Variants in TCEA3 observed in about 807,000 individuals in gnomAD.
TCEA3 encodes transcription elongation factor A protein 3.
A neutral mutation model predicts 44.0 loss-of-function variants in TCEA3; 36 were observed. The observed-to-expected ratio is 0.82, with a 90% CI of 0.63 to 1.08. The LOEUF (loss-of-function observed/expected upper bound fraction) is 1.08. Among genes scored for constraint, TCEA3 ranks in the 50% least tolerant of loss-of-function variants. The pLI is 0.00. For synonymous variants in TCEA3, 162 were observed against 159.7 expected, an observed-to-expected ratio of 1.01 and a Z score of -0.11; for missense variants, 392 against 441.2, an observed-to-expected ratio of 0.89 and a Z score of 1.00.
At chr1:23,422,562 G>A (rs1312380488) in intron 1 of TCEA3, among the ~76,000 whole-genome samples, 1 of 152,074 alleles carries the variant, frequency 6.6e-6, no homozygotes, top group African/African-American at 2.4e-5. Context: ...CCACTGCTGG[G>A]CGGGTCCACT....
chr1:23,393,858 A>G (rs750824500), intron 8 of TCEA3, 21 bp downstream of exon 8: 1 of 1,609,974 alleles, frequency 6.2e-7, no homozygotes, highest in Non-Finnish European at 8.5e-7. Flanking sequence ...CTGCCTCACC[A>G]TGCAGATGCC....
At chr1:23,419,935 G>A (rs1640009491) in intron 1 of TCEA3, among the ~76,000 whole-genome samples, 1 of 152,096 alleles carries the variant, frequency 6.6e-6, no homozygotes, top group South Asian at 2.1e-4. Context: ...TTCAACATAC[G>A]TGTACACCCA....
chr1:23,418,011 T>G lies in TCEA3; in HGVS notation c.133-2A>C. On this transcript the variant is annotated splice_acceptor_variant, in intron 2 of 10. Transcript: ENST00000450454. LOFTEE classifies it high-confidence loss of function. ...AACAGCAACTCCAATCCTGGTTGTCTGCAAAGTGAGAGGGTTAAGGCATAA... is the reference window on the plus strand; with the variant it reads ...AACAGCAACTCCAATCCTGGTTGTCGGCAAAGTGAGAGGGTTAAGGCATAA... 1 of 1,613,980 alleles carries G rather than the reference T, an allele frequency of 6.2e-7. No homozygotes were observed. Among genetic ancestry groups the G allele is most frequent in the Non-Finnish European group, 8.5e-7 (1 of 1,179,832 alleles).
intron 4 of TCEA3, among the ~76,000 whole-genome samples, chr1:23,416,795 T>A (rs1258945773): frequency 6.6e-6 from 1 of 152,170 alleles, no homozygotes; most frequent in Non-Finnish European, 1.5e-5. Flanking sequence ...CCAGGTGCAA[T>A]GAATCTTATA....
At chr1:23,411,496 G>C (rs1639703860) in intron 4 of TCEA3, 2 of 224,252 alleles carry the variant, frequency 8.9e-6, no homozygotes, top group Non-Finnish European at 1.0e-5. Flanking sequence ...AGTAGACTAT[G>C]GTGAATACAC....
intron 5 of TCEA3, among the ~76,000 whole-genome samples, chr1:23,401,986 C>T (rs776234169): frequency 6.7e-4 from 102 of 152,210 alleles, no homozygotes; most frequent in Non-Finnish European, 1.0e-3. Flanking sequence ...TGAAACCAGT[C>T]CCTGGTGCCA....
intron 4 of TCEA3, among the ~76,000 whole-genome samples, chr1:23,416,693 T>C (rs999211617): frequency 7.2e-5 from 11 of 152,030 alleles, no homozygotes; most frequent in African/African-American, 2.7e-4. Flanking sequence ...AGTTTTGCCA[T>C]GTTGCCCAGG....
intron 5 of TCEA3, among the ~76,000 whole-genome samples, chr1:23,400,592 G>A (rs1639370512): frequency 6.6e-6 from 1 of 152,140 alleles, no homozygotes; most frequent in Non-Finnish European, 1.5e-5. Flanking sequence ...AAGTCAGGAA[G>A]TCTCTGTCTT....
intron 9 of TCEA3, 40 bp downstream of exon 9, chr1:23,387,233 G>A (rs756564009): frequency 1.2e-5 from 19 of 1,604,664 alleles, no homozygotes; most frequent in Middle Eastern, 2.0e-4. Flanking sequence ...ATGCCCCTGC[G>A]GCCTCCTGCA....
At chr1:23,408,552 G>A (rs1570273098) in intron 5 of TCEA3, 112 bp downstream of exon 5, 1 of 1,074,068 alleles carries the variant, frequency 9.3e-7, no homozygotes, top group Non-Finnish European at 1.3e-6. Context: ...CATAATGTAG[G>A]AGGTTTCTTC....
rs746787561 is a variant in TCEA3 at position 23,404,790 on chromosome 1, C to A, written c.443+3874G>T. ...CCTGGGCAACAAAGTGAGACTCTGT[C>A]TCTACAAAAAAAAAATTTTTTTTAA... On this transcript the variant is annotated intron_variant, in intron 5 of 10. Transcript: ENST00000450454. 7.5e-4 allele frequency among the ~76,000 whole-genome samples: 114 copies of A among 151,966 alleles called. 1 individual carries two copies. Among genetic ancestry groups the A allele is most frequent in the Non-Finnish European group, 4.7e-4 (32 of 67,980 alleles).
chr1:23,385,191 T>G (rs1490829965), intron 9 of TCEA3, among the ~76,000 whole-genome samples: 1 of 152,236 alleles, frequency 6.6e-6, no homozygotes, highest in African/African-American at 2.4e-5. Flanking sequence ...TTTCTAAGGC[T>G]GTCCTTGGCT....
At chr1:23,394,664 G>C (rs545661317) in intron 7 of TCEA3, among the ~76,000 whole-genome samples, 1 of 152,154 alleles carries the variant, frequency 6.6e-6, no homozygotes, top group African/African-American at 2.4e-5. Context: ...TCCCCTACAA[G>C]ACCTGTTACC....
At chr1:23,417,503 T>A in intron 3 of TCEA3, 113 bp from the exon 4 acceptor site, 1 of 1,432,580 alleles carries the variant, frequency 7.0e-7, no homozygotes, top group Non-Finnish European at 9.3e-7. Flanking sequence ...GCACACACAC[T>A]CCCAACACAC....
Position 23,383,820 on chromosome 1 carries a change from T to C in TCEA3, c.1038+526A>G, listed in dbSNP as rs1254755889. ...ATGCGTGAAAACAAAACTTCTGCCT[T>C]TGCAGGAGCTGGGGCAGTCTGAGTT... On this transcript the variant is annotated intron_variant, in intron 10 of 10. Transcript: ENST00000450454. 24 of 986,322 alleles carry C rather than the reference T, an allele frequency of 2.4e-5. 1 individual carries two copies. The Admixed American group carries it at 1.5e-3, about 61-fold the overall frequency. The allele number at this position is 986,322 out of a possible 1,614,324, so 61.1% of individuals were successfully genotyped here. A position where few individuals can be genotyped will look rare whatever the true frequency, so the allele number is the denominator to read the frequency against.
At chr1:23,385,632 T>G (rs1477731872) in intron 9 of TCEA3, among the ~76,000 whole-genome samples, 3 of 152,202 alleles carry the variant, frequency 2.0e-5, no homozygotes, top group Admixed American at 2.0e-4. Flanking sequence ...CGGAGAACTC[T>G]GAATAGAGTT....
chr1:23,402,730 C>A (rs78814315), intron 5 of TCEA3, among the ~76,000 whole-genome samples: 1 of 152,212 alleles, frequency 6.6e-6, no homozygotes, highest in Non-Finnish European at 1.5e-5. Context: ...CTGCCTCCAT[C>A]TCCAGATTAC....
chr1:23,400,560 A>G (rs1330853070), intron 5 of TCEA3, among the ~76,000 whole-genome samples: 1 of 152,046 alleles, frequency 6.6e-6, no homozygotes, highest in East Asian at 1.9e-4. Context: ...TTTTTGCACT[A>G]TTCTTTAGGG....
Position 23,394,050 on chromosome 1 carries a change from C to T in TCEA3, c.665-17G>A, listed in dbSNP as rs764692437. 30 of 1,613,310 alleles carry T rather than the reference C, an allele frequency of 1.9e-5. No individual in the cohort carries two copies. In the Admixed American group the frequency reaches 2.2e-4, roughly 12 times the overall value. Reference sequence around the variant, plus strand: ...GGTAGATATGTGACACAGTCAAGGGCCGGCCAGCCATTCATGGAGGGGCAC... The same window carrying T: ...GGTAGATATGTGACACAGTCAAGGGTCGGCCAGCCATTCATGGAGGGGCAC... On this transcript the variant is annotated splice_polypyrimidine_tract_variant and intron_variant, in intron 7 of 10. Coordinates refer to ENST00000450454, the MANE Select transcript of TCEA3 (RefSeq NM_003196.3).
Sources: allele counts gnomAD v4.1 joint callset (sites outside exome capture counted in the v4.1 genomes callset), GRCh38; gene constraint gnomAD v4.1.1; transcripts MANE v1.5; gene names NCBI Gene and HGNC (gene_info 2026-07-23, HGNC 2026-07-21).